C5: variants seen among roughly 807,000 people sequenced by gnomAD.
C5 encodes C3 and PZP-like alpha-2-macroglobulin domain-containing protein 4.
C5 carries 140 observed loss-of-function variants against 218.8 expected under a neutral mutation model. The ratio of observed to expected loss-of-function variants is 0.64; its 90% CI spans 0.56 to 0.74. C5 has a LOEUF of 0.74. C5 is among the 30% of genes least tolerant of loss of function. The pLI, the probability that C5 is intolerant of heterozygous loss-of-function variation, is 0.00. For missense variants in C5, 1,700 were observed against 1,969.6 expected (o/e 0.86, Z 2.59); for synonymous variants, 614 against 682.3 (o/e 0.90, Z 1.56).
chr9:121,045,751 A>G (rs1233267496), intron 2 of C5, among the ~76,000 whole-genome samples: 1 of 152,138 alleles, frequency 6.6e-6, no homozygotes, highest in East Asian at 1.9e-4. Flanking sequence ...GTAATCACAA[A>G]TTTTTTAGTT....
intron 28 of C5, 71 bp from the exon 29 acceptor site, chr9:120,976,976 G>A (rs2131691455): frequency 2.3e-6 from 3 of 1,308,124 alleles, no homozygotes; most frequent in Admixed American, 1.8e-5. Flanking sequence ...TCTACCAGGT[G>A]TATTATGGCC....
At chr9:120,977,475 T>G (rs1046343421) in intron 28 of C5, among the ~76,000 whole-genome samples, 1 of 152,204 alleles carries the variant, frequency 6.6e-6, no homozygotes, top group African/African-American at 2.4e-5. Flanking sequence ...TTGTGTGTTT[T>G]GAGACAGGAT....
the C5 span, among the ~76,000 whole-genome samples, chr9:121,059,275 T>A: frequency 4.6e-5 from 7 of 152,102 alleles, no homozygotes; most frequent in South Asian, 8.3e-4. This position sits in a 1 kb window ranked among gnomAD's most constrained non-coding sequence, Gnocchi z 4.1. Context: ...TAAGAGAAAA[T>A]CCAGTGTTAA....
intron 20 of C5, among the ~76,000 whole-genome samples, chr9:121,003,587 C>T (rs1239152098): frequency 2.6e-5 from 4 of 152,020 alleles, no homozygotes; most frequent in Non-Finnish European, 1.5e-5. Context: ...ACTGATTTTT[C>T]CAGTTAGATT....
At position 120,976,684 on chromosome 9, in the gene C5, G is replaced by A. The variant is rs2046955514; in HGVS notation, c.3864+16C>T. The A allele has an allele frequency of 6.2e-7, 1 of 1,605,626 alleles. No individual in the cohort carries two copies. Among genetic ancestry groups the A allele is most frequent in the Non-Finnish European group, 8.5e-7 (1 of 1,172,386 alleles). ...AAATGTCTACAGGGAGATGAAACAA[G>A]ACAAAGAAATGTTACCTGGGTTGAA... On this transcript the variant is annotated intron_variant, in intron 29 of 40. Transcript: ENST00000223642.
intron 1 of C5, among the ~76,000 whole-genome samples, chr9:121,048,169 A>G (rs2300936): frequency 0.11 from 16,588 of 152,274 alleles, 1,112 homozygotes; most frequent in East Asian, 0.19. Flanking sequence ...AGGGATATAA[A>G]GCTACTTTAA....
intron 31 of C5, among the ~76,000 whole-genome samples, chr9:120,970,910 G>A (rs1038868929): frequency 3.3e-5 from 5 of 152,162 alleles, no homozygotes; most frequent in East Asian, 1.9e-4. Flanking sequence ...GGTGGCTCGC[G>A]CCCATAATCC....
At chr9:121,047,186 G>A (rs2047634877) in intron 1 of C5, among the ~76,000 whole-genome samples, 1 of 152,086 alleles carries the variant, frequency 6.6e-6, no homozygotes, top group Non-Finnish European at 1.5e-5. Flanking sequence ...ATCATTATTC[G>A]TACTTTGCAA....
At chr9:120,959,823 A>G (rs571935148) in intron 38 of C5, among the ~76,000 whole-genome samples, 6 of 152,330 alleles carry the variant, frequency 3.9e-5, no homozygotes, top group African/African-American at 1.4e-4. Flanking sequence ...ATTAAAAATT[A>G]TTTGGTATTT....
intron 36 of C5, 111 bp from the exon 37 acceptor site, chr9:120,961,676 T>G: frequency 1.3e-6 from 1 of 751,372 alleles, no homozygotes; most frequent in East Asian, 2.6e-5. Flanking sequence ...TTTAAACCCT[T>G]CTTTTTATAG....
intron 8 of C5, among the ~76,000 whole-genome samples, chr9:121,026,421 C>T (rs951375698): frequency 5.9e-5 from 9 of 152,144 alleles, no homozygotes; most frequent in Admixed American, 5.2e-4. Context: ...GGAAATGATT[C>T]AGACTCACAA....
chr9:121,017,312 C>T, intron 14 of C5, 50 bp downstream of exon 14: 1 of 1,608,306 alleles, frequency 6.2e-7, no homozygotes, highest in Non-Finnish European at 8.5e-7. Flanking sequence ...ATATCCTAGC[C>T]TGGTGGCCAC....
At chr9:121,072,812 T>TAAAAAAAAAAAAAAAAA in the C5 span, among the ~76,000 whole-genome samples, 1 of 98,612 alleles carries the variant, frequency 1.0e-5, no homozygotes, top group East Asian at 2.8e-4. Flanking sequence ...TTCAAAAAAT[T>TAAAAAAAAAAAAAAAAA]AAAAAAAAAA....
intron 7 of C5, 117 bp downstream of exon 7, chr9:121,030,280 A>G (rs545683222): frequency 3.5e-5 from 22 of 619,996 alleles, no homozygotes; most frequent in Non-Finnish European, 6.0e-5. Flanking sequence ...TTAGTCCCCA[A>G]ATCATGGCAC....
Position 120,982,795 on chromosome 9 carries a change from T to C in C5, c.3250A>G (p.Arg1084Gly). ...TATTTATTTACTTGTCCAAGTACTC[T>C]TAAAGCAAAAGCTGTTAACCTTTAA... ...ASTWLTAFALRVLGQVNKYVE... is the reference protein window; with the variant it reads ...ASTWLTAFALGVLGQVNKYVE... The change falls in exon 26 of 41, where the codon AGA becomes GGA. Residue 1084 changes from arginine to glycine, a missense_variant. Arg to Gly is a moderately radical substitution (Grantham distance 125, BLOSUM62 -2). Transcript: ENST00000223642. 1.3e-6 allele frequency: 2 copies of C among 1,589,668 alleles called. No individual in the cohort carries two copies. Among genetic ancestry groups the C allele is most frequent in the Non-Finnish European group, 1.7e-6 (2 of 1,159,354 alleles).
intron 32 of C5, among the ~76,000 whole-genome samples, chr9:120,969,561 T>A (rs1000583171): frequency 1.3e-5 from 2 of 151,960 alleles, no homozygotes; most frequent in Non-Finnish European, 2.9e-5. Context: ...AGGACTGGAG[T>A]GTGCAAGTGG....
chr9:120,977,813 C>G (rs1032493964), intron 28 of C5, among the ~76,000 whole-genome samples: 1 of 152,188 alleles, frequency 6.6e-6, no homozygotes, highest in African/African-American at 2.4e-5. Flanking sequence ...TTGCACCCAG[C>G]TTCTAGTCTT....
chr9:121,002,316 GTATATATATATA>G (rs71370614), intron 20 of C5, among the ~76,000 whole-genome samples: 1 of 87,406 alleles, frequency 1.1e-5, no homozygotes, highest in Non-Finnish European at 2.2e-5. Flanking sequence ...ATATGTGTGT[GTATATATATATA>G]TATATATATA....
At chr9:120,980,694 C>T (rs2046986265) in intron 27 of C5, among the ~76,000 whole-genome samples, 1 of 152,122 alleles carries the variant, frequency 6.6e-6, no homozygotes, top group African/African-American at 2.4e-5. Flanking sequence ...AGGTTCACGC[C>T]ATTCTCCTGC....
Sources: allele counts gnomAD v4.1 joint callset (sites outside exome capture counted in the v4.1 genomes callset), GRCh38; gene constraint gnomAD v4.1.1; non-coding constraint Gnocchi (gnomAD v3.1); transcripts MANE v1.5; gene names NCBI Gene and HGNC (gene_info 2026-07-23, HGNC 2026-07-21).